USP9X: variants seen among roughly 807,000 people sequenced by gnomAD.
The protein encoded by USP9X is ubiquitin carboxyl-terminal hydrolase 9X.
Under a neutral mutation model 190.3 loss-of-function variants are expected in USP9X, and 7 were observed. The ratio of observed to expected loss-of-function variants is 0.04; its 90% CI spans 0.02 to 0.07. The LOEUF is 0.07. Among genes scored for constraint, USP9X ranks in the 10% least tolerant of loss-of-function variants. USP9X has a pLI of 1.00. For missense variants in USP9X, 1,010 were observed against 1,916.9 expected, an observed-to-expected ratio of 0.53 and a Z score of 8.83; for synonymous variants, 645 against 659.5, an observed-to-expected ratio of 0.98 and a Z score of 0.34.
intron 2 of USP9X, 50 bp downstream of exon 2, chrX:41,123,774 G>A: frequency 2.7e-6 from 3 of 1,112,949 alleles, no homozygotes; most frequent in Non-Finnish European, 3.7e-6. Flanking sequence ...TGGACTCAGT[G>A]GTTCACATCT....
intron 1 of USP9X, among the ~76,000 whole-genome samples, chrX:41,087,483 T>A: frequency 8.9e-6 from 1 of 112,439 alleles, no homozygotes; most frequent in Non-Finnish European, 1.9e-5. Context: ...CATTTTGGTT[T>A]CAGCAAATAC....
At chrX:41,138,562 C>A (rs749937398) in intron 6 of USP9X, among the ~76,000 whole-genome samples, 6 of 111,661 alleles carry the variant, frequency 5.4e-5, no homozygotes, top group African/African-American at 2.0e-4. Flanking sequence ...GTCTTCTGTT[C>A]TACTTCAAAT....
chrX:41,192,749 G>A (rs760367718), intron 26 of USP9X, among the ~76,000 whole-genome samples: 47 of 111,520 alleles, frequency 4.2e-4, no homozygotes, highest in Non-Finnish European at 4.1e-4. Context: ...ACTACCCACT[G>A]TGGATATGGC....
intron 12 of USP9X, 104 bp downstream of exon 12, chrX:41,148,679 T>C: frequency 2.4e-6 from 2 of 829,483 alleles, no homozygotes; most frequent in South Asian, 5.2e-5. Flanking sequence ...AGTTTTTAAA[T>C]GATCTTCCGG....
rs769702133 is a variant in USP9X at position 41,144,693 on chromosome X, A to G, written c.1419+67A>G. 9.5e-5 allele frequency: 86 copies of G among 906,036 alleles called. No individual in the cohort carries two copies. The African/African-American group carries it at 1.5e-3, about 16-fold the overall frequency. The allele number at this position is 906,036 out of a possible 1,213,427, so 74.7% of individuals were successfully genotyped here. On this transcript the variant is annotated intron_variant, in intron 11 of 44. Transcript: ENST00000378308. ...TAGAATTGATTAATTAGATCTGTGA[A>G]TTACTTTTAGCCAATAAATACTTAA... is the stretch of plus-strand genomic sequence containing the variant.
At chrX:41,111,359 C>T (rs1334819374) in intron 1 of USP9X, among the ~76,000 whole-genome samples, 1 of 111,980 alleles carries the variant, frequency 8.9e-6, no homozygotes, top group Non-Finnish European at 1.9e-5. Flanking sequence ...ACTCCCCAGC[C>T]TCCAGAACTG....
At chrX:41,199,139 G>A (rs896458881) in intron 30 of USP9X, among the ~76,000 whole-genome samples, 4 of 110,239 alleles carry the variant, frequency 3.6e-5, no homozygotes, top group East Asian at 2.9e-4. Flanking sequence ...AGCCGAGATC[G>A]CGCCACTGCA....
chrX:41,095,780 G>T (rs12690285), intron 1 of USP9X, among the ~76,000 whole-genome samples: 3 of 111,525 alleles, frequency 2.7e-5, no homozygotes, highest in African/African-American at 9.8e-5. Flanking sequence ...CATTAGATTT[G>T]TGTTTGTTTT....
At chrX:41,166,534 C>G (rs770287619) in intron 16 of USP9X, among the ~76,000 whole-genome samples, 1 of 111,704 alleles carries the variant, frequency 9.0e-6, no homozygotes, top group South Asian at 3.7e-4. Flanking sequence ...CATTCAGTGT[C>G]GATCTGTTTC....
In USP9X at chrX:41,229,416, A is replaced by AT. The variant is rs2063342016; in HGVS notation, c.7218+14dup. 8.6e-7 allele frequency: 1 copy of AT among 1,160,355 alleles called. No individual in the cohort carries two copies. Among genetic ancestry groups the AT allele is most frequent in the Non-Finnish European group, 1.1e-6 (1 of 873,823 alleles). On this transcript the variant is annotated splice_region_variant and intron_variant, in intron 42 of 44. Coordinates refer to ENST00000378308, the MANE Select transcript of USP9X (RefSeq NM_001039591.3). Reference sequence around the variant, plus strand: ...TGCTTACCAAATCCTGCAGGTGAGGATTTTTTTCTTATAATTTTGTAGAAA... The same window carrying AT: ...TGCTTACCAAATCCTGCAGGTGAGGATTTTTTTTCTTATAATTTTGTAGAAA...
chrX:41,212,717 C>A (rs1427719118), intron 33 of USP9X, among the ~76,000 whole-genome samples: 1 of 111,298 alleles, frequency 9.0e-6, no homozygotes, highest in Non-Finnish European at 1.9e-5. Flanking sequence ...ACAATCCAAA[C>A]TGTATTAAAT....
At chrX:41,164,783 A>G (rs183866255) in intron 15 of USP9X, among the ~76,000 whole-genome samples, 111 of 112,046 alleles carry the variant, frequency 9.9e-4, no homozygotes, top group African/African-American at 3.5e-3. Flanking sequence ...TGCACTACTC[A>G]ACTAGGTCTC....
intron 32 of USP9X, among the ~76,000 whole-genome samples, chrX:41,209,428 G>A (rs1192400771): frequency 9.0e-6 from 1 of 111,235 alleles, no homozygotes; most frequent in Non-Finnish European, 1.9e-5. Context: ...TGTTGAGGGG[G>A]TGGGGGCAAT....
intron 6 of USP9X, among the ~76,000 whole-genome samples, chrX:41,138,525 TTAATCA>T (rs1280569483): frequency 8.9e-6 from 1 of 112,031 alleles, no homozygotes; most frequent in African/African-American, 3.2e-5. Flanking sequence ...GCCTTAATAC[TTAATCA>T]TTCTCTGGAG....
chrX:41,113,758 T>A (rs2062126370), intron 1 of USP9X, among the ~76,000 whole-genome samples: 2 of 111,261 alleles, frequency 1.8e-5, no homozygotes, highest in South Asian at 7.4e-4. Flanking sequence ...CAGGATAAAC[T>A]GCATAGCTTG....
intron 26 of USP9X, among the ~76,000 whole-genome samples, chrX:41,191,772 A>G (rs1276678604): frequency 8.9e-6 from 1 of 112,204 alleles, no homozygotes; most frequent in Non-Finnish European, 1.9e-5. Flanking sequence ...TTGGTGCCAT[A>G]AAAGGTAAAA....
chrX:41,120,249 C>T (rs984913466), intron 1 of USP9X, among the ~76,000 whole-genome samples: 2 of 111,752 alleles, frequency 1.8e-5, no homozygotes, highest in African/African-American at 3.3e-5. Flanking sequence ...CTTACTGATA[C>T]GGTAATTTAC....
At chrX:41,174,407 T>G (rs1429275082) in intron 21 of USP9X, among the ~76,000 whole-genome samples, 1 of 111,699 alleles carries the variant, frequency 9.0e-6, no homozygotes, top group Non-Finnish European at 1.9e-5. Context: ...TTAATGTATC[T>G]CTTTAGTTTC....
At chrX:41,125,297 A>G (rs912501752) in intron 2 of USP9X, among the ~76,000 whole-genome samples, 5 of 109,310 alleles carry the variant, frequency 4.6e-5, no homozygotes, top group Non-Finnish European at 7.6e-5. Context: ...GCTGGTCTCG[A>G]ACTCCTTACC....
Sources: gnomAD v4.1 joint callset for allele counts (sites outside exome capture counted in the v4.1 genomes callset) on GRCh38, gnomAD v4.1.1 for gene constraint, MANE v1.5 for transcripts, NCBI Gene and HGNC (gene_info 2026-07-23, HGNC 2026-07-21) for gene names.